TCF7L2: variants seen among roughly 807,000 people sequenced by gnomAD.
TCF7L2 encodes transcription factor 7 like 2.
In TCF7L2, 23 loss-of-function variants were observed where a neutral mutation model predicts 77.9. The observed-to-expected ratio is 0.30, with a 90% CI of 0.21 to 0.42. TCF7L2 has a LOEUF of 0.42. TCF7L2 is among the 10% of genes least tolerant of loss of function. The probability of loss-of-function intolerance (pLI) is 1.00; values close to 1 mark genes in which losing one functional copy is unlikely to be tolerated. For synonymous variants in TCF7L2, 413 were observed against 340.2 expected (o/e 1.21, Z -2.36); for missense variants, 654 against 793.1 (o/e 0.82, Z 2.11).
chr10:113,162,604 AT>A (rs1053876467), intron 13 of TCF7L2, among the ~76,000 whole-genome samples: 1 of 152,188 alleles, frequency 6.6e-6, no homozygotes, highest in African/African-American at 2.4e-5. Flanking sequence ...ATAGGGCAGC[AT>A]TTCTGCTGCA....
At chr10:112,987,055 T>C (rs1301976753) in intron 4 of TCF7L2, among the ~76,000 whole-genome samples, 1 of 152,230 alleles carries the variant, frequency 6.6e-6, no homozygotes, top group East Asian at 1.9e-4. Context: ...TAGGCTTTTG[T>C]GGGCACTGGA....
intron 4 of TCF7L2, among the ~76,000 whole-genome samples, chr10:113,008,941 T>G (rs1018427719): frequency 6.6e-6 from 1 of 152,068 alleles, no homozygotes; most frequent in African/African-American, 2.4e-5. Flanking sequence ...CTTTTTTGTT[T>G]TGTTTTGTTT....
chr10:113,026,748 C>T (rs2049249294), intron 4 of TCF7L2, among the ~76,000 whole-genome samples: 1 of 152,140 alleles, frequency 6.6e-6, no homozygotes, highest in South Asian at 2.1e-4. Context: ...TCCTGAATTC[C>T]TGGGAGCTCT....
intron 4 of TCF7L2, among the ~76,000 whole-genome samples, chr10:112,985,741 G>T (rs2041364242): frequency 6.6e-6 from 1 of 152,054 alleles, no homozygotes; most frequent in Non-Finnish European, 1.5e-5. Context: ...TCCCCTAGAG[G>T]TGAATGCCCC....
intron 5 of TCF7L2, among the ~76,000 whole-genome samples, chr10:113,112,310 C>T (rs2063233818): frequency 6.6e-6 from 1 of 152,242 alleles, no homozygotes; most frequent in Non-Finnish European, 1.5e-5. Flanking sequence ...AGAGGCTGTG[C>T]TGTCAGCAGA....
chr10:113,035,569 C>CT (rs1356661112), intron 4 of TCF7L2, among the ~76,000 whole-genome samples: 1 of 152,172 alleles, frequency 6.6e-6, no homozygotes, highest in Non-Finnish European at 1.5e-5. Flanking sequence ...CTCCTGCTAA[C>CT]TTTTTTTATT....
chr10:112,973,885 C>T (rs79124792), intron 4 of TCF7L2, among the ~76,000 whole-genome samples: 6,787 of 152,288 alleles, frequency 0.045, 216 homozygotes, highest in Non-Finnish European at 0.069. Flanking sequence ...CCACTGCACC[C>T]TGCCAATTTT....
chr10:113,148,755 C>A (rs529245212), intron 8 of TCF7L2, among the ~76,000 whole-genome samples: 3 of 152,236 alleles, frequency 2.0e-5, no homozygotes, highest in Admixed American at 6.5e-5. Flanking sequence ...ATTTCTTAAG[C>A]GAAGGTATGT....
intron 5 of TCF7L2, among the ~76,000 whole-genome samples, chr10:113,128,240 G>A (rs112282271): frequency 1.3e-5 from 2 of 152,078 alleles, no homozygotes; most frequent in Non-Finnish European, 1.5e-5. Flanking sequence ...ACACAGGAAG[G>A]CCAGATAAGT....
In TCF7L2 at chr10:113,166,697, T is replaced by C. The variant is rs996382130; in HGVS notation, c.*725T>C. On this transcript the variant is annotated 3_prime_UTR_variant, in exon 14 of 14. Coordinates refer to ENST00000627217, the MANE Select transcript of TCF7L2 (RefSeq NM_001146274.2). Reference sequence around the variant, plus strand: ...CCCTTTTTAAATATGTTTTCCTTTTTCTTGAAACTGTATAAAGTTTTTTTC... The same window carrying C: ...CCCTTTTTAAATATGTTTTCCTTTTCCTTGAAACTGTATAAAGTTTTTTTC... 1.7e-4 allele frequency: 39 copies of C among 230,356 alleles called. No individual in the cohort carries two copies. The highest frequency in any genetic ancestry group is 7.7e-4 in the African/African-American group (35 of 45,216). The allele number at this position is 230,356 out of a possible 1,614,324, so 14.3% of individuals were successfully genotyped here.
intron 4 of TCF7L2, among the ~76,000 whole-genome samples, chr10:113,034,914 T>G (rs2050887505): frequency 6.6e-6 from 1 of 151,800 alleles, no homozygotes; most frequent in African/African-American, 2.4e-5. Context: ...CATAATTCGT[T>G]TTGTCTTTTC....
intron 5 of TCF7L2, chr10:113,130,077 TTC>T (rs2066333067): frequency 3.0e-5 from 28 of 925,054 alleles, no homozygotes; most frequent in Middle Eastern, 4.8e-4. Flanking sequence ...CCTATGCTTT[TTC>T]CCCCCCCTTA....
chr10:112,980,017 G>C (rs2040186173), intron 4 of TCF7L2, among the ~76,000 whole-genome samples: 1 of 152,212 alleles, frequency 6.6e-6, no homozygotes, highest in Non-Finnish European at 1.5e-5. Context: ...AAACATATCA[G>C]GATGTGCTTC....
Position 113,110,925 on chromosome 10 carries a change from G to A in TCF7L2, c.553-30259G>A, listed in dbSNP as rs549146002. The stretch of plus-strand genomic sequence containing the variant: ...TGAGTTTAGATTGGTATGAAAAAAG[G>A]GGATCTGACTGTTAACACCATATTC... On this transcript the variant is annotated intron_variant, in intron 5 of 13. Transcript: ENST00000627217. Among the ~76,000 whole-genome samples the A allele has an allele frequency of 4.6e-5, 7 of 152,250 alleles. No individual in the cohort carries two copies. In the South Asian group the frequency reaches 1.5e-3, roughly 32 times the overall value.
intron 4 of TCF7L2, among the ~76,000 whole-genome samples, chr10:112,996,730 G>A (rs1183870589): frequency 6.6e-6 from 1 of 152,188 alleles, no homozygotes; most frequent in Non-Finnish European, 1.5e-5. Context: ...CCCAAAAGGG[G>A]CCAAAGAGAT....
At chr10:112,992,169 G>T (rs984573140) in intron 4 of TCF7L2, among the ~76,000 whole-genome samples, 5 of 152,140 alleles carry the variant, frequency 3.3e-5, no homozygotes, top group Non-Finnish European at 5.9e-5. Context: ...GAGGAGGGGT[G>T]GGGGGCAGAG....
intron 5 of TCF7L2, among the ~76,000 whole-genome samples, chr10:113,050,356 G>A (rs1039767482): frequency 1.6e-4 from 24 of 152,218 alleles, no homozygotes; most frequent in African/African-American, 5.1e-4. Context: ...ACAGCCTTGG[G>A]GACTGAGCCA....
At chr10:113,066,994 T>G (rs2057344694) in intron 5 of TCF7L2, among the ~76,000 whole-genome samples, 1 of 152,214 alleles carries the variant, frequency 6.6e-6, no homozygotes, top group Non-Finnish European at 1.5e-5. Context: ...ATTAGAGCAT[T>G]TAATATACTG....
chr10:113,121,374 A>T (rs1013751300), intron 5 of TCF7L2, among the ~76,000 whole-genome samples: 1 of 152,154 alleles, frequency 6.6e-6, no homozygotes, highest in Non-Finnish European at 1.5e-5. Flanking sequence ...CTGTTGATCA[A>T]TCCTCTCGAC....
Sources: gnomAD v4.1 joint callset for allele counts (sites outside exome capture counted in the v4.1 genomes callset) on GRCh38, gnomAD v4.1.1 for gene constraint, MANE v1.5 for transcripts, NCBI Gene and HGNC (gene_info 2026-07-23, HGNC 2026-07-21) for gene names.